Variants in KIF21B observed in about 807,000 individuals in gnomAD.
KIF21B encodes the protein kinesin-like protein KIF21B.
A neutral mutation model predicts 192.9 loss-of-function variants in KIF21B; 85 were observed. That is an observed-to-expected ratio of 0.44 (90% CI 0.37 to 0.53). The LOEUF (loss-of-function observed/expected upper bound fraction) is 0.53, where lower values mean the gene tolerates loss of function less well. KIF21B is among the 20% of genes least tolerant of loss of function. The pLI, the probability that KIF21B is intolerant of heterozygous loss-of-function variation, is 0.00. For synonymous variants in KIF21B, 832 were observed against 884.6 expected, an observed-to-expected ratio of 0.94 and a Z score of 1.05; for missense variants, 1,716 against 2,194.8, an observed-to-expected ratio of 0.78 and a Z score of 4.36.
chr1:200,993,449 G>T (rs1161975559), intron 15 of KIF21B, among the ~76,000 whole-genome samples: 2 of 152,152 alleles, frequency 1.3e-5, no homozygotes, highest in African/African-American at 4.8e-5. Flanking sequence ...AAACAGTCAA[G>T]AAAGGAAACA....
chr1:201,000,662 G>A lies in KIF21B; in HGVS notation c.1467-54C>T, dbSNP rs1362417344. On this transcript the variant is annotated intron_variant, in intron 10 of 34. Coordinates refer to ENST00000461742, the MANE Select transcript of KIF21B (RefSeq NM_001252102.2). The surrounding 1 kb of genome is among the most constrained non-coding windows in gnomAD (Gnocchi z 6.0). ...CGAGTGAGCTGCCACAGCCCTTGGC[G>A]TCACCTGGCCGAGGCCCCCAGCCCG... is the stretch of plus-strand genomic sequence containing the variant. 3.7e-6 allele frequency: 6 copies of A among 1,613,008 alleles called. No homozygotes were observed. The highest frequency in any genetic ancestry group is 2.2e-5 in the East Asian group (1 of 44,894).
rs1657319839 is a variant in KIF21B, at chr1:200,999,468, T to A, written c.1768-2A>T. The A allele has an allele frequency of 1.9e-6, 3 of 1,613,322 alleles. No individual in the cohort carries two copies. In the South Asian group the frequency reaches 3.3e-5, roughly 18 times the overall value. On this transcript the variant is annotated splice_acceptor_variant, in intron 12 of 34. Coordinates refer to ENST00000461742, the MANE Select transcript of KIF21B (RefSeq NM_001252102.2). LOFTEE classifies it high-confidence loss of function. This position sits in a 1 kb window ranked among gnomAD's most constrained non-coding sequence, Gnocchi z 4.7. Reference sequence around the variant, plus strand: ...ACTCTCGTCTCGCTCTTCCTCCTCCTGGGCACCAGGCACCATTGGGGTGGG... The same window carrying A: ...ACTCTCGTCTCGCTCTTCCTCCTCCAGGGCACCAGGCACCATTGGGGTGGG...
intron 15 of KIF21B, among the ~76,000 whole-genome samples, chr1:200,993,464 G>A (rs750485090): frequency 3.9e-5 from 6 of 152,156 alleles, no homozygotes; most frequent in African/African-American, 1.4e-4. Context: ...GAAACAGGCC[G>A]AGCGCGGTGG....
chr1:200,987,178 T>C lies in KIF21B; in HGVS notation c.3432A>G (p.Gln1144=), dbSNP rs1656362812. The C allele has an allele frequency of 2.5e-6, 4 of 1,613,646 alleles. No homozygotes were observed. The highest frequency in any genetic ancestry group is 2.5e-6 in the Non-Finnish European group (3 of 1,179,944). ...GGCACTCAGCCGACACAGCTTTCAT[T>C]TGGGCAGACAGTTTGGGCTCGCTCT... ...KFKSEPKLSA[Q]MKAVSAECLG... is the part of the protein sequence containing the mutation. Residue 1144 remains glutamine, a synonymous_variant, in exon 25 of 35, where the codon CAA becomes CAG. Transcript: ENST00000461742.
At chr1:201,005,842 A>G in intron 3 of KIF21B, 148 bp from the exon 4 acceptor site, 1 of 807,320 alleles carries the variant, frequency 1.2e-6, no homozygotes, top group Non-Finnish European at 2.0e-6. Context: ...ACCTTTCTGC[A>G]GGACAGGGGC....
chr1:200,997,483 G>A (rs1233603388), intron 14 of KIF21B, among the ~76,000 whole-genome samples: 1 of 152,206 alleles, frequency 6.6e-6, no homozygotes, highest in African/African-American at 2.4e-5. Context: ...GGTGGCTCAT[G>A]CCTGTAATCC....
At chr1:200,981,862 G>T (rs1655954789) in intron 28 of KIF21B, among the ~76,000 whole-genome samples, 1 of 152,150 alleles carries the variant, frequency 6.6e-6, no homozygotes, top group Non-Finnish European at 1.5e-5. Flanking sequence ...GTGAGCGTGA[G>T]GGTTTTGCCA....
intron 1 of KIF21B, among the ~76,000 whole-genome samples, chr1:201,021,215 C>A (rs1658801694): frequency 6.6e-6 from 1 of 152,236 alleles, no homozygotes. Context: ...CCCAGCCCAG[C>A]CCCAGCTCAG....
intron 3 of KIF21B, among the ~76,000 whole-genome samples, chr1:201,006,211 G>A (rs1392157165): frequency 3.9e-5 from 6 of 152,258 alleles, no homozygotes; most frequent in Non-Finnish European, 1.5e-5. Context: ...TTGGCAGCGG[G>A]TGGGCATGGA....
In KIF21B at chr1:200,999,553, G is replaced by A; in HGVS notation, c.1768-87C>T. ...TGCATCCCGACACAATGCCTCAGGT[G>A]TGTCAGGAGGGTGGGGATTGGGGCA... is the stretch of plus-strand genomic sequence containing the variant. On this transcript the variant is annotated intron_variant, in intron 12 of 34. Coordinates refer to ENST00000461742, the MANE Select transcript of KIF21B (RefSeq NM_001252102.2). This position sits in a 1 kb window ranked among gnomAD's most constrained non-coding sequence, Gnocchi z 4.7. The A allele has an allele frequency of 6.4e-7, 1 of 1,559,704 alleles. No homozygotes were observed. Among genetic ancestry groups the A allele is most frequent in the Non-Finnish European group, 8.7e-7 (1 of 1,154,226 alleles).
chr1:200,998,631 G>A lies in KIF21B; in HGVS notation c.1886-56C>T. On this transcript the variant is annotated intron_variant, in intron 13 of 34. Transcript: ENST00000461742. The surrounding 1 kb of genome is among the most constrained non-coding windows in gnomAD (Gnocchi z 4.3). The stretch of plus-strand genomic sequence containing the variant: ...GTTAGGGCGAGGGGCAAATTGGGGA[G>A]CAGATGTGCCAGTGCTGGGGAGCTG... 3 of 1,538,126 alleles carry A rather than the reference G, an allele frequency of 2.0e-6. No individual in the cohort carries two copies. The highest frequency in any genetic ancestry group is 2.7e-6 in the Non-Finnish European group (3 of 1,121,982).
At position 200,973,222 on chromosome 1, in the gene KIF21B, C is replaced by T. The variant is rs1655313749; in HGVS notation, c.*299G>A. 2.9e-6 allele frequency: 1 copy of T among 347,774 alleles called. No homozygotes were observed. Among genetic ancestry groups the T allele is most frequent in the East Asian group, 4.6e-5 (1 of 21,620 alleles). The allele number at this position is 347,774 out of a possible 1,614,324, so 21.5% of individuals were successfully genotyped here. On this transcript the variant is annotated 3_prime_UTR_variant, in exon 35 of 35. Transcript: ENST00000461742. ...GCCTGAGAAAGGGGCAGAGCCGGTT[C>T]AGCAGGAGACAATGTGGCCACGACT...
chr1:200,975,746 G>A lies in KIF21B; in HGVS notation c.4444-77C>T. On this transcript the variant is annotated intron_variant, in intron 32 of 34. Transcript: ENST00000461742. The surrounding 1 kb of genome is among the most constrained non-coding windows in gnomAD (Gnocchi z 4.3). The stretch of plus-strand genomic sequence containing the variant: ...GGGCCTACAGCACTGTGGACCCAGA[G>A]GCCTGAAGACCCAGGAGTCTGGCTA... 7.1e-7 allele frequency: 1 copy of A among 1,413,470 alleles called. No individual in the cohort carries two copies. Among genetic ancestry groups the A allele is most frequent in the Non-Finnish European group, 9.5e-7 (1 of 1,053,270 alleles). 87.6% of individuals were successfully genotyped at this position (1,413,470 alleles called of 1,614,324 possible).
At chr1:201,008,747 C>T (rs1303113296) in intron 3 of KIF21B, 22 bp downstream of exon 3, 1 of 1,563,894 alleles carries the variant, frequency 6.4e-7, no homozygotes, top group East Asian at 2.3e-5. Context: ...TCCCACCTGC[C>T]CACCCTATGG....
chr1:200,991,149 C>G lies in KIF21B; in HGVS notation c.2455G>C (p.Val819Leu). The G allele has an allele frequency of 6.2e-7, 1 of 1,611,476 alleles. No homozygotes were observed. The highest frequency in any genetic ancestry group is 8.5e-7 in the Non-Finnish European group (1 of 1,178,560). The change falls in exon 18 of 35, where the codon GTT (valine) becomes CTT (leucine). Residue 819 changes from valine (V) to leucine (L), a missense_variant and splice_region_variant. Physicochemically the swap from Val to Leu is conservative, Grantham distance 32. Coordinates refer to ENST00000461742, the MANE Select transcript of KIF21B (RefSeq NM_001252102.2). ...TTGGCCAGGCGCCTCAGTGCAGAAA[C>G]CTGGGGCAGCAGGGAGAAAAGAGGG... ...EMVLRRKTQE[V>L]SALRRLAKPM... is the part of the protein sequence containing the mutation.
At chr1:200,997,149 A>G (rs1657115316) in intron 14 of KIF21B, among the ~76,000 whole-genome samples, 1 of 152,212 alleles carries the variant, frequency 6.6e-6, no homozygotes, top group Non-Finnish European at 1.5e-5. Flanking sequence ...GTAGTCTTTT[A>G]AAAATGCTTT....
rs1193097230 is a variant in KIF21B, at chr1:200,990,007, T to C, written c.3067A>G (p.Ser1023Gly). ...LDSTDTSVVI[S>G]SCSLAEARLL... is the part of the protein sequence containing the mutation. ...CGGGCTTCAGCCAGGGAGCAGGAGCTGATGACCACGGATGTGTCTGTGGAG... is the reference window on the plus strand; with the variant it reads ...CGGGCTTCAGCCAGGGAGCAGGAGCCGATGACCACGGATGTGTCTGTGGAG... Residue 1023 changes from serine (S) to glycine (G), a missense_variant, in exon 21 of 35, where the codon AGC (serine) becomes GGC (glycine). By Grantham distance (56) the Ser-to-Gly change is moderately conservative (BLOSUM62 0). Coordinates refer to ENST00000461742, the MANE Select transcript of KIF21B (RefSeq NM_001252102.2). This position sits in a 1 kb window ranked among gnomAD's most constrained non-coding sequence, Gnocchi z 5.4. 1 of 1,613,992 alleles carries C rather than the reference T, an allele frequency of 6.2e-7. No homozygotes were observed. Among genetic ancestry groups the C allele is most frequent in the Non-Finnish European group, 8.5e-7 (1 of 1,180,014 alleles).
chr1:201,016,146 G>A (rs977819467), intron 1 of KIF21B, among the ~76,000 whole-genome samples: 7 of 152,206 alleles, frequency 4.6e-5, no homozygotes, highest in Non-Finnish European at 7.3e-5. Flanking sequence ...TGTAATGGTG[G>A]AGATGAAATT....
chr1:201,016,731 C>A (rs1558030712), intron 1 of KIF21B, among the ~76,000 whole-genome samples: 1 of 152,176 alleles, frequency 6.6e-6, no homozygotes, highest in South Asian at 2.1e-4. Flanking sequence ...TCTGTGACAG[C>A]CAGAGGGTCT....
Sources: allele counts gnomAD v4.1 joint callset (sites outside exome capture counted in the v4.1 genomes callset), GRCh38; gene constraint gnomAD v4.1.1; non-coding constraint Gnocchi (gnomAD v3.1); transcripts MANE v1.5; gene names NCBI Gene and HGNC (gene_info 2026-07-23, HGNC 2026-07-21).